Variants in IARS1 observed in about 807,000 individuals in gnomAD.
IARS1 encodes isoleucyl-tRNA synthetase 1, also known as isoleucine--tRNA ligase, cytoplasmic.
A neutral mutation model predicts 168.2 loss-of-function variants in IARS1; 124 were observed. That is an observed-to-expected ratio of 0.74 (90% confidence interval 0.64 to 0.86). The LOEUF is 0.86. Ranked by LOEUF, IARS1 falls within the 40% of genes least tolerant of loss-of-function variation. IARS1 has a pLI of 0.00. For missense variants in IARS1, 1,452 were observed against 1,515.8 expected, an observed-to-expected ratio of 0.96 and a Z score of 0.70; for synonymous variants, 532 against 529.4, an observed-to-expected ratio of 1.00 and a Z score of -0.07.
Position 92,268,241 on chromosome 9 carries a change from C to T in IARS1, c.1364G>A (p.Trp455Ter), listed in dbSNP as rs371179660. ...CCAGTATCTGTTTCTGGAAATTGTC[C>T]AGTCACGTGCATCTTTCAGCCAATT... ...FGNWLKDARD[W>*]TISRNRYWGT... The change falls in exon 14 of 34, where the codon TGG (tryptophan) becomes TAG (stop). Residue 455 changes from tryptophan (W) to a stop codon, truncating the protein, a stop_gained. Coordinates refer to ENST00000443024, the MANE Select transcript of IARS1 (RefSeq NM_002161.6). LOFTEE classifies it high-confidence loss of function. The T allele has an allele frequency of 1.2e-6, 2 of 1,611,820 alleles. No individual in the cohort carries two copies. The highest frequency in any genetic ancestry group is 2.2e-5 in the East Asian group (1 of 44,658).
chr9:92,255,673 A>G (rs1405394724), intron 20 of IARS1, among the ~76,000 whole-genome samples: 3 of 152,246 alleles, frequency 2.0e-5, no homozygotes, highest in African/African-American at 7.2e-5. Context: ...CATTAATAAC[A>G]AGTATTATTT....
At chr9:92,247,253 G>C in intron 26 of IARS1, 124 bp downstream of exon 26, 1 of 758,284 alleles carries the variant, frequency 1.3e-6, no homozygotes, top group Non-Finnish European at 2.2e-6. Context: ...GGAAAGGACA[G>C]GACACGACGG....
chr9:92,271,490 T>C (rs1184856900), intron 11 of IARS1, 43 bp downstream of exon 11: 1 of 1,607,616 alleles, frequency 6.2e-7, no homozygotes, highest in African/African-American at 1.3e-5. Flanking sequence ...TAGAGACTAA[T>C]CAGAAGTAAC....
chr9:92,293,556 G>A (rs189769523), intron 1 of IARS1, 55 bp downstream of exon 1: 496 of 487,338 alleles, frequency 1.0e-3, no homozygotes, highest in Non-Finnish European at 1.6e-3. Flanking sequence ...GGGTTGTAAC[G>A]CGTGCGTGAC....
intron 30 of IARS1, among the ~76,000 whole-genome samples, chr9:92,233,154 T>C (rs1826975662): frequency 6.6e-6 from 1 of 152,232 alleles, no homozygotes; most frequent in South Asian, 2.1e-4. Flanking sequence ...AGAAATGTTG[T>C]TTAACCTTCT....
chr9:92,253,253 A>C, intron 21 of IARS1, 109 bp downstream of exon 21: 2 of 720,558 alleles, frequency 2.8e-6, no homozygotes, highest in South Asian at 3.2e-5. Flanking sequence ...AAAGCTTCAA[A>C]AACGGAGAGC....
chr9:92,220,282 G>GC (rs1839466693), intron 33 of IARS1, among the ~76,000 whole-genome samples: 1 of 110,092 alleles, frequency 9.1e-6, no homozygotes, highest in African/African-American at 3.8e-5. Context: ...GTGGGGGGAG[G>GC]GGGAGGGATA....
At chr9:92,289,936 A>G (rs1197685490) in intron 1 of IARS1, among the ~76,000 whole-genome samples, 5 of 152,180 alleles carry the variant, frequency 3.3e-5, no homozygotes, top group Non-Finnish European at 7.3e-5. Context: ...AATATGCCAC[A>G]TTTTGTTTAT....
chr9:92,221,362 A>T (rs1839643844), intron 33 of IARS1, among the ~76,000 whole-genome samples: 1 of 152,236 alleles, frequency 6.6e-6, no homozygotes, highest in African/African-American at 2.4e-5. Flanking sequence ...ATACTGACAC[A>T]GAAAGCCCAA....
chr9:92,253,984 G>A, intron 20 of IARS1: 2 of 431,166 alleles, frequency 4.6e-6, no homozygotes, highest in Non-Finnish European at 9.3e-6. Flanking sequence ...GTCACAACTT[G>A]GAGGGTAGCA....
chr9:92,288,871 C>T (rs1282395847), intron 2 of IARS1, among the ~76,000 whole-genome samples: 3 of 152,098 alleles, frequency 2.0e-5, no homozygotes, highest in African/African-American at 7.2e-5. Flanking sequence ...GTACCCACTA[C>T]ATAGGGAGCT....
At chr9:92,233,314 G>A (rs779634541) in intron 30 of IARS1, among the ~76,000 whole-genome samples, 5 of 152,162 alleles carry the variant, frequency 3.3e-5, no homozygotes, top group African/African-American at 4.8e-5. Flanking sequence ...TGCAACATTA[G>A]TATAATGAAC....
chr9:92,267,571 C>T (rs1832455900), intron 14 of IARS1, among the ~76,000 whole-genome samples: 1 of 152,156 alleles, frequency 6.6e-6, no homozygotes, highest in Non-Finnish European at 1.5e-5. Flanking sequence ...GTTGCCTAGG[C>T]TGGTCTCAAA....
At chr9:92,291,822 T>C (rs1408521457) in intron 1 of IARS1, among the ~76,000 whole-genome samples, 1 of 152,196 alleles carries the variant, frequency 6.6e-6, no homozygotes, top group Non-Finnish European at 1.5e-5. Context: ...TTATTAGAGA[T>C]GCAGACTTAC....
At chr9:92,219,425 A>C (rs1444011236) in intron 33 of IARS1, among the ~76,000 whole-genome samples, 2 of 149,162 alleles carry the variant, frequency 1.3e-5, no homozygotes, top group Admixed American at 6.7e-5. Flanking sequence ...AATGGGATCT[A>C]ATTAAACTAA....
At chr9:92,253,015 T>C (rs1348100129) in intron 21 of IARS1, among the ~76,000 whole-genome samples, 2 of 152,060 alleles carry the variant, frequency 1.3e-5, no homozygotes, top group Admixed American at 1.3e-4. Context: ...CCTCTCAATA[T>C]TAATGCCATA....
intron 30 of IARS1, among the ~76,000 whole-genome samples, chr9:92,233,413 T>C (rs1827019160): frequency 6.6e-6 from 1 of 152,264 alleles, no homozygotes; most frequent in Non-Finnish European, 1.5e-5. Flanking sequence ...TGAAAACTAT[T>C]GTAAGCAACA....
At chr9:92,262,441 G>A in intron 17 of IARS1, among the ~76,000 whole-genome samples, 1 of 152,176 alleles carries the variant, frequency 6.6e-6, no homozygotes, top group East Asian at 1.9e-4. Context: ...ATGACTAGAG[G>A]TAATAAAGTA....
intron 14 of IARS1, among the ~76,000 whole-genome samples, chr9:92,265,798 C>T (rs10761151): frequency 0.4 from 60,466 of 151,784 alleles, 14,091 homozygotes; most frequent in African/African-American, 0.64. Context: ...CCTGGGGCTA[C>T]AGGCAGGCAC....
Sources: gnomAD v4.1 joint callset for allele counts (sites outside exome capture counted in the v4.1 genomes callset) on GRCh38, gnomAD v4.1.1 for gene constraint, MANE v1.5 for transcripts, NCBI Gene and HGNC (gene_info 2026-07-23, HGNC 2026-07-21) for gene names.